RNF180: variants seen among roughly 807,000 people sequenced by gnomAD.
RNF180 encodes the protein ring finger protein 180.
RNF180 carries 38 observed loss-of-function variants against 59.2 expected under a neutral mutation model. The ratio of observed to expected loss-of-function variants is 0.64; its 90% CI spans 0.50 to 0.84. The LOEUF (loss-of-function observed/expected upper bound fraction) is 0.84. Among genes scored for constraint, RNF180 ranks in the 40% least tolerant of loss-of-function variants. RNF180 has a pLI of 0.00. For missense variants in RNF180, 705 were observed against 700.9 expected (o/e 1.01, Z -0.07); for synonymous variants, 262 against 240.3 (o/e 1.09, Z -0.84).
chr5:64,228,338 AC>A (rs1741898147), intron 5 of RNF180, among the ~76,000 whole-genome samples: 1 of 151,816 alleles, frequency 6.6e-6, no homozygotes, highest in African/African-American at 2.4e-5. Context: ...ACATAGTGAG[AC>A]CCCCATCTCT....
At chr5:64,359,462 G>A (rs1435747508) in intron 7 of RNF180, among the ~76,000 whole-genome samples, 19 of 151,740 alleles carry the variant, frequency 1.3e-4, no homozygotes, top group South Asian at 4.2e-4. Context: ...CATGTCCTTC[G>A]CCCACTTTTT....
At chr5:64,358,824 C>G (rs1002585886) in intron 7 of RNF180, among the ~76,000 whole-genome samples, 4 of 142,306 alleles carry the variant, frequency 2.8e-5, no homozygotes, top group Admixed American at 7.5e-5. Context: ...GTGATATTCC[C>G]CTTCCTGTGT....
At chr5:64,206,966 A>G (rs1007091795) in intron 2 of RNF180, among the ~76,000 whole-genome samples, 1 of 152,114 alleles carries the variant, frequency 6.6e-6, no homozygotes. Flanking sequence ...CATCCCAAGC[A>G]GACTAAGACC....
chr5:64,179,517 T>TA (rs1377387422), intron 1 of RNF180, among the ~76,000 whole-genome samples: 1 of 152,206 alleles, frequency 6.6e-6, no homozygotes, highest in African/African-American at 2.4e-5. Flanking sequence ...TGTGCTGTGT[T>TA]ATTCTTTAAT....
intron 5 of RNF180, among the ~76,000 whole-genome samples, chr5:64,230,217 C>T (rs1473593875): frequency 6.6e-6 from 1 of 152,196 alleles, no homozygotes; most frequent in Non-Finnish European, 1.5e-5. Flanking sequence ...TCTCTGTGTA[C>T]TTTGATACTA....
At chr5:64,363,252 AT>A (rs1746324434) in intron 7 of RNF180, among the ~76,000 whole-genome samples, 2 of 151,722 alleles carry the variant, frequency 1.3e-5, no homozygotes, top group African/African-American at 4.8e-5. Flanking sequence ...TCTTTAACCC[AT>A]TTGAATTGAT....
intron 5 of RNF180, among the ~76,000 whole-genome samples, chr5:64,253,599 G>C (rs1016610978): frequency 6.6e-6 from 1 of 151,920 alleles, no homozygotes; most frequent in Admixed American, 6.6e-5. Flanking sequence ...CTCGTTTTTT[G>C]TGCTTCATTC....
chr5:64,324,854 TG>T (rs550074449), intron 5 of RNF180, among the ~76,000 whole-genome samples: 235 of 152,306 alleles, frequency 1.5e-3, no homozygotes, highest in Non-Finnish European at 3.0e-3. Context: ...GTGGTAGGAA[TG>T]GGGTAGATAG....
chr5:64,338,999 A>G (rs1478744256), intron 7 of RNF180, among the ~76,000 whole-genome samples: 1 of 151,738 alleles, frequency 6.6e-6, no homozygotes, highest in African/African-American at 2.4e-5. Context: ...GTGTTTTGTC[A>G]ATTTCTTCCT....
chr5:64,211,402 T>A (rs2112105245), intron 2 of RNF180, among the ~76,000 whole-genome samples: 1 of 152,252 alleles, frequency 6.6e-6, no homozygotes, highest in East Asian at 1.9e-4. Flanking sequence ...CTCTTCTTCC[T>A]TGGCTAATTT....
At chr5:64,197,725 TG>T (rs1282968239) in intron 1 of RNF180, among the ~76,000 whole-genome samples, 3 of 152,148 alleles carry the variant, frequency 2.0e-5, no homozygotes, top group African/African-American at 7.2e-5. Context: ...CATGTTCAGT[TG>T]TTTTAGTTGA....
intron 7 of RNF180, among the ~76,000 whole-genome samples, chr5:64,332,582 A>T (rs771844678): frequency 1.3e-5 from 2 of 152,240 alleles, no homozygotes; most frequent in Admixed American, 1.3e-4. Context: ...GTGAAAGTAC[A>T]TTGTAAATTA....
chr5:64,347,054 A>G (rs1038101877), intron 7 of RNF180, among the ~76,000 whole-genome samples: 1 of 152,254 alleles, frequency 6.6e-6, no homozygotes, highest in Admixed American at 6.5e-5. Context: ...TAACTCTGGC[A>G]TATAATGATA....
intron 5 of RNF180, among the ~76,000 whole-genome samples, chr5:64,249,183 C>T (rs1039853533): frequency 3.3e-5 from 5 of 152,000 alleles, no homozygotes; most frequent in Non-Finnish European, 4.4e-5. Flanking sequence ...AGCAAATGAC[C>T]GTGGCATGTG....
intron 5 of RNF180, among the ~76,000 whole-genome samples, chr5:64,251,913 TA>T (rs1310744841): frequency 6.6e-6 from 1 of 151,996 alleles, no homozygotes; most frequent in African/African-American, 2.4e-5. Flanking sequence ...CTGAAAACTA[TA>T]AAATATTGAT....
chr5:64,249,816 G>C (rs1253061788), intron 5 of RNF180, among the ~76,000 whole-genome samples: 1 of 152,078 alleles, frequency 6.6e-6, no homozygotes, highest in Non-Finnish European at 1.5e-5. Context: ...TAACACCTAA[G>C]TATATAAAGT....
intron 5 of RNF180, among the ~76,000 whole-genome samples, chr5:64,250,141 C>T (rs1743471505): frequency 6.6e-6 from 1 of 152,016 alleles, no homozygotes; most frequent in Admixed American, 6.6e-5. Flanking sequence ...AGTGTAAAAC[C>T]AGAAACCAAT....
intron 7 of RNF180, among the ~76,000 whole-genome samples, chr5:64,331,314 C>T (rs1744897590): frequency 6.6e-6 from 1 of 152,234 alleles, no homozygotes; most frequent in African/African-American, 2.4e-5. Context: ...TAAAGCCCCA[C>T]CTTCTTCAAA....
At chr5:64,172,177 A>G (rs1749974395) in intron 1 of RNF180, among the ~76,000 whole-genome samples, 3 of 152,318 alleles carry the variant, frequency 2.0e-5, no homozygotes, top group Non-Finnish European at 2.9e-5. Flanking sequence ...CTTCAAATGC[A>G]TAGTGACTGT....
Sources: allele counts gnomAD v4.1 joint callset (sites outside exome capture counted in the v4.1 genomes callset), GRCh38; gene constraint gnomAD v4.1.1; transcripts MANE v1.5; gene names NCBI Gene and HGNC (gene_info 2026-07-23, HGNC 2026-07-21).